Variants in FOCAD observed in about 807,000 individuals in gnomAD.
FOCAD encodes KIAA1797.
In FOCAD, 198 loss-of-function variants were observed where a neutral mutation model predicts 225.6. The observed-to-expected ratio is 0.88, with a 90% CI of 0.78 to 0.99. The LOEUF (loss-of-function observed/expected upper bound fraction) is 0.99. Among genes scored for constraint, FOCAD ranks in the 50% least tolerant of loss-of-function variants. The pLI, the probability that FOCAD is intolerant of heterozygous loss-of-function variation, is 0.00. For synonymous variants in FOCAD, 897 were observed against 755.0 expected, an observed-to-expected ratio of 1.19 and a Z score of -3.08; for missense variants, 2,713 against 2,123.6, an observed-to-expected ratio of 1.28 and a Z score of -5.46.
intron 3 of FOCAD, among the ~76,000 whole-genome samples, chr9:20,719,353 G>A (rs767704333): frequency 6.6e-6 from 1 of 152,192 alleles, no homozygotes; most frequent in Non-Finnish European, 1.5e-5. Context: ...AAAGTGTTGG[G>A]ATTACAGGCA....
At chr9:20,852,049 A>G (rs990088841) in intron 15 of FOCAD, among the ~76,000 whole-genome samples, 1 of 151,698 alleles carries the variant, frequency 6.6e-6, no homozygotes, top group Non-Finnish European at 1.5e-5. Flanking sequence ...ACCACCATGT[A>G]TTTATAAATT....
intron 5 of FOCAD, among the ~76,000 whole-genome samples, chr9:20,757,219 G>A (rs746617663): frequency 3.9e-5 from 6 of 152,296 alleles, no homozygotes; most frequent in African/African-American, 7.2e-5. Flanking sequence ...GTGAGCCACC[G>A]CGTCCAGCCT....
intron 15 of FOCAD, among the ~76,000 whole-genome samples, chr9:20,835,799 T>C (rs944120431): frequency 6.6e-6 from 1 of 152,102 alleles, no homozygotes; most frequent in Non-Finnish European, 1.5e-5. Context: ...CAAAAATTAA[T>C]AGGCGTTGCA....
chr9:20,668,109 GAAGAA>G (rs1295711783), intron 2 of FOCAD, among the ~76,000 whole-genome samples: 1 of 152,180 alleles, frequency 6.6e-6, no homozygotes, highest in Non-Finnish European at 1.5e-5. Context: ...ATACGGCAGA[GAAGAA>G]ATTTGGTTTT....
chr9:20,739,120 CTCAG>C (rs556502625), intron 4 of FOCAD, among the ~76,000 whole-genome samples: 182 of 152,208 alleles, frequency 1.2e-3, no homozygotes, highest in Non-Finnish European at 2.1e-3. Context: ...AAAAAATACA[CTCAG>C]TAACATCTCA....
chr9:20,797,629 T>TATA (rs1821274398), intron 11 of FOCAD, among the ~76,000 whole-genome samples: 1 of 152,144 alleles, frequency 6.6e-6, no homozygotes, highest in Non-Finnish European at 1.5e-5. Context: ...GTTATTGATG[T>TATA]ATAAGAATGC....
chr9:20,962,178 T>TA (rs2132467880), intron 35 of FOCAD, among the ~76,000 whole-genome samples: 1 of 152,258 alleles, frequency 6.6e-6, no homozygotes, highest in Admixed American at 6.5e-5. Flanking sequence ...TTAGATTACT[T>TA]ATGTGATACT....
At chr9:20,770,313 A>C in intron 8 of FOCAD, 75 bp downstream of exon 8, 2 of 1,332,688 alleles carry the variant, frequency 1.5e-6, no homozygotes, top group Non-Finnish European at 2.1e-6. Flanking sequence ...TTTATAAAGA[A>C]ATGAGGTTTA....
At chr9:20,714,634 GCCTTCCTTCCTTCCTT>G (rs749635014) in intron 1 of FOCAD, among the ~76,000 whole-genome samples, 104 of 120,108 alleles carry the variant, frequency 8.7e-4, no homozygotes, top group Admixed American at 2.3e-3. Flanking sequence ...CTGCCTGCCT[GCCTTCCTTCCTTCCTT>G]CCTTCCTTCC....
chr9:20,868,367 A>G (rs1046535897), intron 18 of FOCAD, among the ~76,000 whole-genome samples: 25 of 152,126 alleles, frequency 1.6e-4, no homozygotes, highest in African/African-American at 5.8e-4. Flanking sequence ...AGCTTTTATT[A>G]AATAACTCCA....
chr9:20,823,794 C>G (rs1485552642), intron 15 of FOCAD, among the ~76,000 whole-genome samples: 1 of 152,004 alleles, frequency 6.6e-6, no homozygotes, highest in Non-Finnish European at 1.5e-5. Flanking sequence ...AGGTTATGGT[C>G]AGTTATGGTT....
intron 35 of FOCAD, among the ~76,000 whole-genome samples, chr9:20,956,155 C>T (rs1032315593): frequency 6.6e-6 from 1 of 152,208 alleles, no homozygotes. Context: ...GGCATATGCT[C>T]CTTCAGTCAT....
intron 10 of FOCAD, chr9:20,786,814 C>G (rs1222338048): frequency 6.0e-6 from 1 of 166,568 alleles, no homozygotes; most frequent in South Asian, 1.4e-4. Context: ...TACAACCACC[C>G]AGTATTTATT....
chr9:20,690,896 A>G (rs1587229557), intron 1 of FOCAD, among the ~76,000 whole-genome samples: 1 of 141,654 alleles, frequency 7.1e-6, no homozygotes, highest in Non-Finnish European at 1.5e-5. Flanking sequence ...CTCTCAGTTG[A>G]CCTGTCAGCA....
At chr9:20,845,437 T>C (rs1826983019) in intron 15 of FOCAD, among the ~76,000 whole-genome samples, 1 of 64,182 alleles carries the variant, frequency 1.6e-5, no homozygotes, top group African/African-American at 6.0e-5. Context: ...ATGCATCTTT[T>C]CCTCGATATA....
intron 11 of FOCAD, among the ~76,000 whole-genome samples, chr9:20,798,332 G>A (rs201487168): frequency 6.6e-6 from 1 of 151,962 alleles, no homozygotes; most frequent in African/African-American, 2.4e-5. Context: ...TCTCTGCCAG[G>A]CTTTGGTATC....
At chr9:20,778,253 CT>C (rs1170399376) in intron 8 of FOCAD, among the ~76,000 whole-genome samples, 1 of 151,186 alleles carries the variant, frequency 6.6e-6, no homozygotes, top group East Asian at 1.9e-4. Flanking sequence ...CTAATTCTTT[CT>C]TTTTTTTTGA....
intron 1 of FOCAD, among the ~76,000 whole-genome samples, chr9:20,689,564 A>T (rs1000316361): frequency 6.6e-6 from 1 of 152,116 alleles, no homozygotes; most frequent in Non-Finnish European, 1.5e-5. Context: ...TTTAATTTCT[A>T]TTAGGCCTAG....
chr9:20,941,369 T>C (rs1295152840), intron 28 of FOCAD, among the ~76,000 whole-genome samples: 1 of 152,200 alleles, frequency 6.6e-6, no homozygotes, highest in East Asian at 1.9e-4. Flanking sequence ...ACTGAGCTTT[T>C]AGAAATGCGA....
Sources: allele counts gnomAD v4.1 joint callset (sites outside exome capture counted in the v4.1 genomes callset), GRCh38; gene constraint gnomAD v4.1.1; transcripts MANE v1.5; gene names NCBI Gene and HGNC (gene_info 2026-07-23, HGNC 2026-07-21).